LGSN: variants seen among roughly 807,000 people sequenced by gnomAD.
LGSN encodes the protein lengsin, lens protein with glutamine synthetase domain, also known as lengsin.
LGSN carries 21 observed loss-of-function variants against 19.5 expected under a neutral mutation model. That is an observed-to-expected ratio of 1.07 (90% CI 0.76 to 1.55). LGSN has a LOEUF of 1.55. Ranked by LOEUF, LGSN falls within the 40% of genes most tolerant of loss-of-function variation. The pLI is 0.00. For missense variants in LGSN, 673 were observed against 608.5 expected (o/e 1.11, Z -1.12); for synonymous variants, 257 against 215.6 (o/e 1.19, Z -1.68).
At chr6:63,462,303 G>T in the LGSN span, among the ~76,000 whole-genome samples, 1 of 152,092 alleles carries the variant, frequency 6.6e-6, no homozygotes, top group African/African-American at 2.4e-5. Context: ...GAAATAATAA[G>T]AACTACTAGG....
the LGSN span, among the ~76,000 whole-genome samples, chr6:63,352,787 C>T: frequency 6.6e-6 from 1 of 151,970 alleles, no homozygotes; most frequent in African/African-American, 2.4e-5. Flanking sequence ...GTTCCCCTCA[C>T]ATTTCTTGGC....
chr6:63,460,100 CTTTTTTTTTTTTTT>C, the LGSN span, among the ~76,000 whole-genome samples: 8 of 56,128 alleles, frequency 1.4e-4, no homozygotes, highest in South Asian at 2.8e-3. Flanking sequence ...ATTTCATTCC[CTTTTTTTTTTTTTT>C]TTTTTTTTTT....
chr6:63,402,098 G>A, the LGSN span, among the ~76,000 whole-genome samples: 1 of 152,172 alleles, frequency 6.6e-6, no homozygotes, highest in African/African-American at 2.4e-5. Flanking sequence ...AGGTGAAGGT[G>A]GATGTGGAAG....
chr6:63,492,823 A>G, the LGSN span, among the ~76,000 whole-genome samples: 1 of 152,266 alleles, frequency 6.6e-6, no homozygotes, highest in African/African-American at 2.4e-5. Context: ...ATCCAACTTT[A>G]AAATCACACT....
At chr6:63,322,622 A>G (rs1769111040), upstream of LGSN, among the ~76,000 whole-genome samples, 1 of 152,186 alleles carries the variant, frequency 6.6e-6, no homozygotes, top group South Asian at 2.1e-4. Context: ...AATTATAAGG[A>G]GTAATATTTG....
the LGSN span, among the ~76,000 whole-genome samples, chr6:63,367,090 A>T: frequency 6.6e-6 from 1 of 151,908 alleles, no homozygotes; most frequent in Non-Finnish European, 1.5e-5. Flanking sequence ...ATTGACAAAT[A>T]GGATCTAATT....
the LGSN span, among the ~76,000 whole-genome samples, chr6:63,467,215 T>C: frequency 6.6e-6 from 1 of 151,936 alleles, no homozygotes; most frequent in Admixed American, 6.6e-5. Flanking sequence ...ATCTGTTTCT[T>C]CCCTACAAAG....
the LGSN span, among the ~76,000 whole-genome samples, chr6:63,445,491 G>A: frequency 6.6e-6 from 1 of 151,974 alleles, no homozygotes; most frequent in African/African-American, 2.4e-5. Flanking sequence ...GGTGGCAGGC[G>A]CTTGTAGTCC....
chr6:63,482,671 A>G, the LGSN span, among the ~76,000 whole-genome samples: 1 of 152,108 alleles, frequency 6.6e-6, no homozygotes, highest in African/African-American at 2.4e-5. Context: ...GGTTGCAATG[A>G]GCCGAAATCA....
At chr6:63,294,600 T>G (rs940685761) in intron 2 of LGSN, among the ~76,000 whole-genome samples, 1 of 152,042 alleles carries the variant, frequency 6.6e-6, no homozygotes, top group African/African-American at 2.4e-5. Flanking sequence ...CTGTAATGAT[T>G]TTTGTATTCA....
At chr6:63,503,797 T>C in the LGSN span, among the ~76,000 whole-genome samples, 3 of 152,082 alleles carry the variant, frequency 2.0e-5, no homozygotes, top group Non-Finnish European at 4.4e-5. Flanking sequence ...CTGCCTCTAG[T>C]CTCAGCTACT....
chr6:63,362,514 C>T, the LGSN span, among the ~76,000 whole-genome samples: 2 of 152,210 alleles, frequency 1.3e-5, no homozygotes, highest in Admixed American at 6.5e-5. Flanking sequence ...TGTGCTTTTC[C>T]AATGGTCTTA....
At chr6:63,527,111 G>A in the LGSN span, among the ~76,000 whole-genome samples, 2 of 152,018 alleles carry the variant, frequency 1.3e-5, no homozygotes, top group Non-Finnish European at 2.9e-5. Context: ...ACAAATACCT[G>A]AGCAGTCCTC....
intron 2 of LGSN, among the ~76,000 whole-genome samples, chr6:63,290,242 G>A (rs1248734456): frequency 6.6e-6 from 1 of 152,138 alleles, no homozygotes; most frequent in Non-Finnish European, 1.5e-5. Flanking sequence ...GAGCCAAAAA[G>A]GGAGCTTCTG....
Position 63,280,748 on chromosome 6 carries a change from A to G in LGSN, c.803T>C (p.Ile268Thr), listed in dbSNP as rs1269221530. The change falls in exon 4 of 4, where the codon ATC becomes ACC. Residue 268 changes from isoleucine to threonine, a missense_variant. Physicochemically the swap from Ile to Thr is moderately conservative, Grantham distance 89. Transcript: ENST00000370657. ...SSSTRPGQME[I>T]SFLPEFGISS... The stretch of plus-strand genomic sequence containing the variant: ...AATGCCAAATTCAGGCAGGAAAGAG[A>G]TTTCCATCTGACCAGGCCTGGTAGA... The G allele has an allele frequency of 6.2e-7, 1 of 1,613,996 alleles. No individual in the cohort carries two copies. Among genetic ancestry groups the G allele is most frequent in the African/African-American group, 1.3e-5 (1 of 74,894 alleles).
intron 1 of LGSN, among the ~76,000 whole-genome samples, chr6:63,298,211 C>T (rs116276587): frequency 0.013 from 2,045 of 152,338 alleles, 24 homozygotes; most frequent in Non-Finnish European, 0.02. Context: ...TCCATTGTAT[C>T]TGTTGCTCTC....
chr6:63,431,638 C>G, the LGSN span, among the ~76,000 whole-genome samples: 16 of 151,604 alleles, frequency 1.1e-4, no homozygotes, highest in African/African-American at 3.9e-4. Flanking sequence ...TATGAAATTG[C>G]CAAAATTTTT....
At chr6:63,324,061 C>G (rs1044715546), upstream of LGSN, among the ~76,000 whole-genome samples, 12 of 152,114 alleles carry the variant, frequency 7.9e-5, no homozygotes, top group African/African-American at 2.9e-4. Context: ...CGTGAGCCAC[C>G]GCTTCCGGCT....
At chr6:63,515,217 T>TTTTG in the LGSN span, among the ~76,000 whole-genome samples, 170 of 150,708 alleles carry the variant, frequency 1.1e-3, no homozygotes, top group Middle Eastern at 3.4e-3. Flanking sequence ...TAAAAAGTTT[T>TTTTG]TTTGTTTGTT....
Sources: gnomAD v4.1 joint callset for allele counts (sites outside exome capture counted in the v4.1 genomes callset) on GRCh38, gnomAD v4.1.1 for gene constraint, MANE v1.5 for transcripts, NCBI Gene and HGNC (gene_info 2026-07-23, HGNC 2026-07-21) for gene names.